The following LRP5 variants were observed in gnomAD, a reference collection of about 807,000 sequenced individuals.
LRP5 encodes LDL receptor related protein 5.
Under a neutral mutation model 154.1 loss-of-function variants are expected in LRP5, and 62 were observed. The ratio of observed to expected loss-of-function variants is 0.40; its 90% CI spans 0.33 to 0.50. The LOEUF (loss-of-function observed/expected upper bound fraction) is 0.50. Ranked by LOEUF, LRP5 falls within the 20% of genes least tolerant of loss-of-function variation. The pLI, the probability that LRP5 is intolerant of heterozygous loss-of-function variation, is 0.55. For synonymous variants in LRP5, 966 were observed against 1,011.5 expected (o/e 0.96, Z 0.85); for missense variants, 1,915 against 2,336.7 (o/e 0.82, Z 3.72).
At position 68,433,755 on chromosome 11, in the gene LRP5, C is replaced by A. The variant is rs772148405; in HGVS notation, c.3917C>A (p.Ala1306Glu). 1 of 1,612,762 alleles carries A rather than the reference C, an allele frequency of 6.2e-7. No individual in the cohort carries two copies. The highest frequency in any genetic ancestry group is 1.1e-5 in the South Asian group (1 of 91,052). The stretch of plus-strand genomic sequence containing the variant: ...TGCTCCGCCGCCCAGTTCCCCTGCG[C>A]GCGGGGTCAGTGTGTGGACCTGCGC... ...PVCSAAQFPC[A>E]RGQCVDLRLR... The change falls in exon 18 of 23, where the codon GCG becomes GAG. Residue 1306 changes from alanine (A) to glutamate (E), a missense_variant. Coordinates refer to ENST00000294304, the MANE Select transcript of LRP5 (RefSeq NM_002335.4).
intron 2 of LRP5, among the ~76,000 whole-genome samples, chr11:68,357,265 T>C (rs537148707): frequency 1.3e-5 from 2 of 152,208 alleles, no homozygotes; most frequent in East Asian, 3.9e-4. Flanking sequence ...CACTAAATAA[T>C]ATTCCATCCT....
intron 8 of LRP5, chr11:68,404,178 G>A (rs576469132): frequency 1.8e-4 from 83 of 449,092 alleles, no homozygotes; most frequent in South Asian, 1.2e-3. Flanking sequence ...GACGCTCCCC[G>A]AGGAGGTCGT....
At chr11:68,367,629 G>A (rs1273653143) in intron 5 of LRP5, among the ~76,000 whole-genome samples, 4 of 152,214 alleles carry the variant, frequency 2.6e-5, no homozygotes, top group African/African-American at 4.8e-5. Flanking sequence ...TGGACCCTGC[G>A]CTCTGCAGTG....
At chr11:68,321,115 T>C (rs567750036) in intron 1 of LRP5, among the ~76,000 whole-genome samples, 41 of 142,074 alleles carry the variant, frequency 2.9e-4, no homozygotes, top group Non-Finnish European at 5.6e-4. Flanking sequence ...GGCCAGTGAA[T>C]AGGGAGTTGT....
rs1255106285 is a variant in LRP5, at chr11:68,357,827, C to A, written c.666C>A (p.Ala222=). The A allele has an allele frequency of 3.1e-6, 5 of 1,613,226 alleles. No individual in the cohort carries two copies. Among genetic ancestry groups the A allele is most frequent in the Non-Finnish European group, 4.2e-6 (5 of 1,179,648 alleles). ...CCAAGCTCAGCTTCATCCACCGTGC[C>A]AACCTGGACGGCTCGTTCCGGTAGG... The part of the protein sequence containing the change: ...ADAKLSFIHR[A]NLDGSFRQKV... The change falls in exon 3 of 23, where the codon GCC becomes GCA. Residue 222 remains alanine (A), a synonymous_variant. Transcript: ENST00000294304.
At chr11:68,327,023 C>T (rs1177025996) in intron 1 of LRP5, among the ~76,000 whole-genome samples, 1 of 152,124 alleles carries the variant, frequency 6.6e-6, no homozygotes, top group African/African-American at 2.4e-5. Context: ...GCCCACGTGT[C>T]CTGCCTTCGC....
chr11:68,342,300 C>G (rs548740613), intron 1 of LRP5, among the ~76,000 whole-genome samples: 5 of 152,240 alleles, frequency 3.3e-5, no homozygotes, highest in South Asian at 2.1e-4. Context: ...CTCTCCCCAC[C>G]AAAGGCTGGG....
At chr11:68,336,901 A>G (rs954870085) in intron 1 of LRP5, among the ~76,000 whole-genome samples, 24 of 152,264 alleles carry the variant, frequency 1.6e-4, no homozygotes, top group African/African-American at 5.8e-4. Context: ...ATCTCCCACC[A>G]CAATTTAATA....
intron 21 of LRP5, among the ~76,000 whole-genome samples, 200 bp downstream of exon 21, chr11:68,440,116 C>T (rs1318181026): frequency 6.6e-6 from 1 of 152,204 alleles, no homozygotes; most frequent in African/African-American, 2.4e-5. Context: ...GAAAACTACA[C>T]AAAAATATAA....
chr11:68,409,079 T>TATATATATATATAC (rs2064251806), intron 9 of LRP5, among the ~76,000 whole-genome samples: 10 of 38,638 alleles, frequency 2.6e-4, no homozygotes, highest in African/African-American at 7.7e-4. Flanking sequence ...AAAAAATATA[T>TATATATATATATAC]ATATATATAT....
chr11:68,340,510 G>T (rs1299274351), intron 1 of LRP5, among the ~76,000 whole-genome samples: 2 of 152,174 alleles, frequency 1.3e-5, no homozygotes, highest in Non-Finnish European at 2.9e-5. Flanking sequence ...GAAGCATCCT[G>T]TTTAAGCCTC....
intron 1 of LRP5, among the ~76,000 whole-genome samples, chr11:68,346,708 G>T (rs1006014989): frequency 6.6e-6 from 1 of 152,212 alleles, no homozygotes; most frequent in Non-Finnish European, 1.5e-5. Flanking sequence ...TCAAGCCAAG[G>T]CTTCAGATGT....
At chr11:68,320,410 T>C (rs889251196) in intron 1 of LRP5, among the ~76,000 whole-genome samples, 1 of 152,178 alleles carries the variant, frequency 6.6e-6, no homozygotes, top group African/African-American at 2.4e-5. Context: ...ACACTTATCC[T>C]TGGCCCATTT....
chr11:68,429,765 T>A, intron 17 of LRP5, 65 bp downstream of exon 17: 2 of 1,591,410 alleles, frequency 1.3e-6, no homozygotes, highest in African/African-American at 1.3e-5. Flanking sequence ...CCTGCTAGGC[T>A]GCTGCCTGGC....
At chr11:68,378,764 G>A (rs1159214258) in intron 5 of LRP5, among the ~76,000 whole-genome samples, 3 of 152,084 alleles carry the variant, frequency 2.0e-5, no homozygotes, top group Non-Finnish European at 2.9e-5. Flanking sequence ...AGGGTCAGGC[G>A]CGGTGGCTCA....
chr11:68,376,688 G>A (rs1430020479), intron 5 of LRP5, among the ~76,000 whole-genome samples: 1 of 152,358 alleles, frequency 6.6e-6, no homozygotes, highest in African/African-American at 2.4e-5. Context: ...GCCACAGACA[G>A]GGTGTCATGA....
chr11:68,406,874 T>G (rs1334732291), intron 9 of LRP5, 61 bp downstream of exon 9: 4 of 1,543,336 alleles, frequency 2.6e-6, no homozygotes, highest in African/African-American at 1.4e-5. Flanking sequence ...CCTCTGTTCC[T>G]GCCTCAAAGG....
intron 5 of LRP5, among the ~76,000 whole-genome samples, chr11:68,373,507 AC>A (rs2098635563): frequency 1.3e-5 from 2 of 151,412 alleles, no homozygotes; most frequent in African/African-American, 4.9e-5. Flanking sequence ...TCCTGAAGTG[AC>A]CCCCATGAGA....
chr11:68,357,894 A>G (rs1192192245), intron 3 of LRP5, 47 bp downstream of exon 3: 1 of 1,555,466 alleles, frequency 6.4e-7, no homozygotes, highest in East Asian at 2.4e-5. Flanking sequence ...CTTTGTCCCC[A>G]GGGCTTTTGA....
Sources: gnomAD v4.1 joint callset for allele counts (sites outside exome capture counted in the v4.1 genomes callset) on GRCh38, gnomAD v4.1.1 for gene constraint, MANE v1.5 for transcripts, NCBI Gene and HGNC (gene_info 2026-07-23, HGNC 2026-07-21) for gene names.